Variants in IQSEC2 observed in about 807,000 individuals in gnomAD.
IQSEC2 encodes the protein IQ motif and SEC7 domain-containing protein 2.
In IQSEC2, 6 loss-of-function variants were observed where a neutral mutation model predicts 74.6. The ratio of observed to expected loss-of-function variants is 0.08; its 90% CI spans 0.04 to 0.16. The LOEUF (loss-of-function observed/expected upper bound fraction) is 0.16. Ranked by LOEUF, IQSEC2 falls within the 10% of genes least tolerant of loss-of-function variation. The pLI, the probability that IQSEC2 is intolerant of heterozygous loss-of-function variation, is 1.00. For missense variants in IQSEC2, 734 were observed against 1,306.2 expected (o/e 0.56, Z 6.75); for synonymous variants, 494 against 544.5 (o/e 0.91, Z 1.29).
intron 2 of IQSEC2, among the ~76,000 whole-genome samples, chrX:53,288,885 G>C (rs1162965313): frequency 1.8e-5 from 2 of 111,459 alleles, no homozygotes; most frequent in Non-Finnish European, 3.8e-5. Context: ...TTGGCTTAAG[G>C]TATCTTTAGG....
intron 2 of IQSEC2, among the ~76,000 whole-genome samples, chrX:53,284,167 G>C (rs2075003190): frequency 9.0e-6 from 1 of 111,188 alleles, no homozygotes; most frequent in African/African-American, 3.3e-5. Context: ...AAAGTTGTAT[G>C]AAAAGCATTA....
chrX:53,321,213 G>A lies in IQSEC2; in HGVS notation c.-90C>T. 1.9e-6 allele frequency: 1 copy of A among 532,544 alleles called. No homozygotes were observed. Among genetic ancestry groups the A allele is most frequent in the Non-Finnish European group, 2.8e-6 (1 of 352,729 alleles). 43.9% of individuals were successfully genotyped at this position (532,544 alleles called of 1,213,427 possible). ...CCTCCCCCGGGCCCAGCCGGGGGAG[G>A]GGGCCGGCGGGACGCGAGGGCGCGC... On this transcript the variant is annotated 5_prime_UTR_variant, in exon 1 of 15. Transcript: ENST00000642864.
chrX:53,277,890 C>T (rs890891437), intron 2 of IQSEC2, among the ~76,000 whole-genome samples: 12 of 109,901 alleles, frequency 1.1e-4, no homozygotes, highest in African/African-American at 3.6e-4. Context: ...AGGCTGGTCT[C>T]GAACTCCTGA....
At chrX:53,236,760 G>A (rs2074137751) in intron 12 of IQSEC2, among the ~76,000 whole-genome samples, 1 of 111,115 alleles carries the variant, frequency 9.0e-6, no homozygotes, top group Non-Finnish European at 1.9e-5. Flanking sequence ...CTTGGTGCCT[G>A]CTCTCCCTGT....
At chrX:53,263,038 T>C (rs2074592489) in intron 2 of IQSEC2, among the ~76,000 whole-genome samples, 1 of 111,894 alleles carries the variant, frequency 8.9e-6, no homozygotes, top group African/African-American at 3.3e-5. Context: ...GCCCGTGCTC[T>C]TACCACCACC....
intron 1 of IQSEC2, among the ~76,000 whole-genome samples, chrX:53,299,088 T>C (rs1178647192): frequency 3.6e-5 from 4 of 109,996 alleles, no homozygotes; most frequent in Non-Finnish European, 7.6e-5. Flanking sequence ...TTTTTTTTTT[T>C]AGTTTAGAGA....
intron 2 of IQSEC2, among the ~76,000 whole-genome samples, chrX:53,290,409 G>A (rs1265855147): frequency 8.9e-6 from 1 of 112,258 alleles, no homozygotes; most frequent in Non-Finnish European, 1.9e-5. Flanking sequence ...GAGAACTAGA[G>A]ATGTTTTCAA....
intron 13 of IQSEC2, 141 bp downstream of exon 13, chrX:53,236,181 C>G (rs782014807): frequency 2.8e-6 from 2 of 715,132 alleles, no homozygotes; most frequent in Non-Finnish European, 4.1e-6. Flanking sequence ...CCCCCTGTGG[C>G]GCAGCGCCCA....
intron 8 of IQSEC2, among the ~76,000 whole-genome samples, chrX:53,244,963 A>C (rs75635371): frequency 0.098 from 10,883 of 110,515 alleles, 499 homozygotes; most frequent in African/African-American, 0.17. Context: ...ACACCCACAC[A>C]CACACACACA....
chrX:53,298,084 C>A (rs781956116), intron 1 of IQSEC2, among the ~76,000 whole-genome samples: 1 of 111,793 alleles, frequency 8.9e-6, no homozygotes, highest in South Asian at 3.8e-4. Context: ...GAGCTAAGAT[C>A]GCGCCACTGC....
chrX:53,303,868 C>T (rs782432399), intron 1 of IQSEC2, among the ~76,000 whole-genome samples: 26 of 109,743 alleles, frequency 2.4e-4, no homozygotes, highest in African/African-American at 6.3e-4. Context: ...CAGTGGCTCA[C>T]GCCTGCAATC....
chrX:53,284,919 AG>A (rs1301688708), intron 2 of IQSEC2, among the ~76,000 whole-genome samples: 2 of 112,147 alleles, frequency 1.8e-5, no homozygotes, highest in Non-Finnish European at 3.8e-5. Flanking sequence ...TGGGTCCTGC[AG>A]CTCCTCAGCT....
At chrX:53,270,550 C>G (rs782353724) in intron 2 of IQSEC2, among the ~76,000 whole-genome samples, 1 of 111,536 alleles carries the variant, frequency 9.0e-6, no homozygotes. Context: ...AAAGGCACCC[C>G]AACATTCTCT....
At chrX:53,281,419 T>C (rs1467085374) in intron 2 of IQSEC2, 4 of 556,558 alleles carry the variant, frequency 7.2e-6, no homozygotes, top group Non-Finnish European at 1.1e-5. Flanking sequence ...AGGAGGCTGC[T>C]GAATCAGTAG....
intron 1 of IQSEC2, among the ~76,000 whole-genome samples, chrX:53,296,506 A>G (rs1372927274): frequency 1.8e-5 from 2 of 111,407 alleles, no homozygotes; most frequent in South Asian, 7.6e-4. Context: ...CCTGAATATC[A>G]CCTTACACCT....
At chrX:53,264,844 C>T (rs2074629097) in intron 2 of IQSEC2, among the ~76,000 whole-genome samples, 1 of 109,329 alleles carries the variant, frequency 9.1e-6, no homozygotes, top group South Asian at 4.0e-4. Flanking sequence ...TGCATCCTTC[C>T]TACTTTCCCA....
intron 1 of IQSEC2, among the ~76,000 whole-genome samples, chrX:53,299,069 C>T (rs1354836042): frequency 9.1e-6 from 1 of 109,708 alleles, no homozygotes; most frequent in African/African-American, 3.3e-5. Flanking sequence ...CTTTCTTTCT[C>T]TCTCTCTCTT....
intron 1 of IQSEC2, among the ~76,000 whole-genome samples, chrX:53,312,117 G>A (rs1258556849): frequency 9.0e-6 from 1 of 110,629 alleles, no homozygotes; most frequent in Non-Finnish European, 1.9e-5. Context: ...ATATCCTGCT[G>A]GGCCCATACC....
At chrX:53,226,563 C>T (rs2074039340), downstream of IQSEC2, 1 of 112,515 alleles carries the variant, frequency 8.9e-6, no homozygotes. Flanking sequence ...CAAACATTTC[C>T]TGTTTAACAT....
Sources: gnomAD v4.1 joint callset for allele counts (sites outside exome capture counted in the v4.1 genomes callset) on GRCh38, gnomAD v4.1.1 for gene constraint, MANE v1.5 for transcripts, NCBI Gene and HGNC (gene_info 2026-07-23, HGNC 2026-07-21) for gene names.